The following PTPRM variants were observed in gnomAD, a reference collection of about 807,000 sequenced individuals.
PTPRM encodes the protein protein tyrosine phosphatase receptor type M, also known as receptor-type tyrosine-protein phosphatase mu.
Under a neutral mutation model 186.7 loss-of-function variants are expected in PTPRM, and 47 were observed. The observed-to-expected ratio is 0.25, with a 90% CI of 0.20 to 0.32. The LOEUF is 0.32. PTPRM is among the 10% of genes least tolerant of loss of function. The pLI is 1.00. For synonymous variants in PTPRM, 668 were observed against 674.9 expected, an observed-to-expected ratio of 0.99 and a Z score of 0.16; for missense variants, 1,494 against 1,865.0, an observed-to-expected ratio of 0.80 and a Z score of 3.66.
chr18:7,930,516 A>G (rs915578943), intron 5 of PTPRM, among the ~76,000 whole-genome samples: 5 of 152,212 alleles, frequency 3.3e-5, no homozygotes, highest in African/African-American at 1.2e-4. Flanking sequence ...TGGGTCACAA[A>G]GAAAAATGAC....
At chr18:8,047,549 T>C (rs937092805) in intron 7 of PTPRM, among the ~76,000 whole-genome samples, 5 of 152,138 alleles carry the variant, frequency 3.3e-5, no homozygotes, top group African/African-American at 1.2e-4. Flanking sequence ...AGGTGTTAAA[T>C]TAGTAATACA....
intron 1 of PTPRM, among the ~76,000 whole-genome samples, chr18:7,700,005 T>C (rs1286578061): frequency 1.3e-5 from 2 of 152,186 alleles, no homozygotes; most frequent in East Asian, 3.9e-4. Flanking sequence ...TACATCACTC[T>C]ATTATGCTGC....
chr18:7,947,247 C>A (rs1033045449), intron 5 of PTPRM, among the ~76,000 whole-genome samples: 8 of 152,108 alleles, frequency 5.3e-5, no homozygotes, highest in African/African-American at 1.7e-4. Flanking sequence ...TGTGTCCTTG[C>A]GTATGCCTGT....
chr18:8,118,811 A>AAATATAT lies in PTPRM; in HGVS notation c.2167+3985_2167+3986insATATATA, dbSNP rs372020679. On this transcript the variant is annotated intron_variant, in intron 13 of 32. Transcript: ENST00000580170. ...TGACATTCCATCTCAAAAAAAAAAA[A>AAATATAT]ATATATATATATATATATATATGAG... 7.9e-4 allele frequency among the ~76,000 whole-genome samples: 102 copies of AAATATAT among 128,354 alleles called. No individual in the cohort carries two copies. In the Middle Eastern group the frequency reaches 0.013, roughly 17 times the overall value. 84.2% of individuals were successfully genotyped at this position (128,354 alleles called of 152,430 possible).
At chr18:7,771,921 A>G (rs1355203836) in intron 1 of PTPRM, among the ~76,000 whole-genome samples, 1 of 152,268 alleles carries the variant, frequency 6.6e-6, no homozygotes, top group Non-Finnish European at 1.5e-5. Flanking sequence ...TCCTGGATTT[A>G]ATTCAGAAAA....
At chr18:8,113,209 G>A (rs1445060932) in intron 11 of PTPRM, among the ~76,000 whole-genome samples, 1 of 152,194 alleles carries the variant, frequency 6.6e-6, no homozygotes, top group Non-Finnish European at 1.5e-5. Context: ...AAACAGTAGA[G>A]ATTATCATAT....
At chr18:8,237,431 ATTTTTTT>A (rs59073560) in intron 14 of PTPRM, among the ~76,000 whole-genome samples, 4 of 71,666 alleles carry the variant, frequency 5.6e-5, no homozygotes, top group South Asian at 1.1e-3. Context: ...GATTCCCTCA[ATTTTTTT>A]TTTTTTTTTT....
chr18:8,153,380 T>A (rs1253599739), intron 14 of PTPRM, among the ~76,000 whole-genome samples: 2 of 152,200 alleles, frequency 1.3e-5, no homozygotes, highest in South Asian at 2.1e-4. Flanking sequence ...ATGTTATAAA[T>A]TATGCATTGA....
intron 7 of PTPRM, among the ~76,000 whole-genome samples, chr18:8,021,741 T>C (rs6506545): frequency 0.6 from 90,441 of 151,882 alleles, 27,159 homozygotes; most frequent in Non-Finnish European, 0.64. Context: ...TTGTACCACA[T>C]TTTCTTTATC....
At chr18:8,020,280 A>G (rs1233414715) in intron 7 of PTPRM, among the ~76,000 whole-genome samples, 1 of 152,178 alleles carries the variant, frequency 6.6e-6, no homozygotes. Flanking sequence ...TTTACTTTGA[A>G]TTATGGCAGT....
chr18:7,571,222 G>A (rs1254838098), intron 1 of PTPRM, among the ~76,000 whole-genome samples: 1 of 152,098 alleles, frequency 6.6e-6, no homozygotes, highest in Non-Finnish European at 1.5e-5. Flanking sequence ...TTACAGACAT[G>A]AGCCACCGTG....
intron 1 of PTPRM, among the ~76,000 whole-genome samples, chr18:7,690,757 T>C (rs542616615): frequency 9.0e-4 from 137 of 152,340 alleles, no homozygotes; most frequent in Middle Eastern, 6.8e-3. Context: ...TAAAGTTCAT[T>C]AACTCTTATT....
chr18:7,975,676 T>A (rs57416548), intron 7 of PTPRM, among the ~76,000 whole-genome samples: 3 of 152,194 alleles, frequency 2.0e-5, no homozygotes, highest in African/African-American at 7.2e-5. Context: ...TTTCTATGTT[T>A]AAATATACAA....
At chr18:8,119,997 A>T (rs1463781922) in intron 13 of PTPRM, among the ~76,000 whole-genome samples, 1 of 152,134 alleles carries the variant, frequency 6.6e-6, no homozygotes, top group South Asian at 2.1e-4. Flanking sequence ...ATCTTTATTG[A>T]TATTTTAAGT....
chr18:8,388,793 C>T (rs2095793798), intron 31 of PTPRM, among the ~76,000 whole-genome samples: 1 of 152,088 alleles, frequency 6.6e-6, no homozygotes, highest in Admixed American at 6.5e-5. Context: ...AACCCCGTCT[C>T]TACTAAAAAC....
chr18:7,899,747 A>G (rs936639007), intron 3 of PTPRM, among the ~76,000 whole-genome samples: 9 of 152,224 alleles, frequency 5.9e-5, no homozygotes, highest in Non-Finnish European at 1.0e-4. Flanking sequence ...CAGTGTCTTT[A>G]TAGAAGATTT....
At chr18:7,696,900 T>A (rs1459164622) in intron 1 of PTPRM, among the ~76,000 whole-genome samples, 1 of 152,238 alleles carries the variant, frequency 6.6e-6, no homozygotes, top group African/African-American at 2.4e-5. Context: ...CATGTTTTTA[T>A]GCAGGGCCTG....
At chr18:7,985,020 T>C (rs2082826569) in intron 7 of PTPRM, among the ~76,000 whole-genome samples, 1 of 124,278 alleles carries the variant, frequency 8.0e-6, no homozygotes, top group African/African-American at 3.2e-5. Context: ...CATATAATTA[T>C]ATATACATAT....
intron 29 of PTPRM, among the ~76,000 whole-genome samples, chr18:8,383,993 A>G (rs905023692): frequency 6.6e-6 from 1 of 152,360 alleles, no homozygotes; most frequent in South Asian, 2.1e-4. Flanking sequence ...GTTGGAAAGC[A>G]GAATTACTCA....
Sources: allele counts gnomAD v4.1 joint callset (sites outside exome capture counted in the v4.1 genomes callset), GRCh38; gene constraint gnomAD v4.1.1; transcripts MANE v1.5; gene names NCBI Gene and HGNC (gene_info 2026-07-23, HGNC 2026-07-21).